Variants in DOCK8 observed in about 807,000 individuals in gnomAD.
The protein encoded by DOCK8 is dedicator of cytokinesis protein 8.
Under a neutral mutation model 245.6 loss-of-function variants are expected in DOCK8, and 141 were observed. That is an observed-to-expected ratio of 0.57 (90% CI 0.50 to 0.66). The LOEUF (loss-of-function observed/expected upper bound fraction) is 0.66. Among genes scored for constraint, DOCK8 ranks in the 30% least tolerant of loss-of-function variants. The pLI, the probability that DOCK8 is intolerant of heterozygous loss-of-function variation, is 0.00. For missense variants in DOCK8, 2,965 were observed against 2,603.4 expected, an observed-to-expected ratio of 1.14 and a Z score of -3.02; for synonymous variants, 1,168 against 970.2, an observed-to-expected ratio of 1.20 and a Z score of -3.79.
intron 33 of DOCK8, 60 bp downstream of exon 33, chr9:422,195 G>A (rs1455561990): frequency 4.4e-5 from 64 of 1,446,222 alleles, no homozygotes; most frequent in Non-Finnish European, 5.8e-5. Context: ...TTTTTCCCAG[G>A]CTGCTTGTAT....
chr9:441,568 C>A, intron 41 of DOCK8, 151 bp downstream of exon 41: 1 of 1,275,276 alleles, frequency 7.8e-7, no homozygotes, highest in Non-Finnish European at 1.1e-6. Context: ...GGCTGAAATT[C>A]TTCTAACAGA....
chr9:457,199 C>T (rs943925735), intron 46 of DOCK8, among the ~76,000 whole-genome samples: 1 of 151,912 alleles, frequency 6.6e-6, no homozygotes, highest in Non-Finnish European at 1.5e-5. Context: ...CTTTCCTAGG[C>T]AGTATATGTG....
intron 4 of DOCK8, among the ~76,000 whole-genome samples, chr9:303,317 A>C (rs2049643463): frequency 6.6e-6 from 1 of 152,252 alleles, no homozygotes; most frequent in Non-Finnish European, 1.5e-5. Context: ...ATTGTTCTAC[A>C]AAAACGACAC....
intron 1 of DOCK8, among the ~76,000 whole-genome samples, chr9:245,398 G>T (rs1022810350): frequency 3.3e-5 from 5 of 151,890 alleles, no homozygotes; most frequent in Non-Finnish European, 7.4e-5. Context: ...TGTACAGATG[G>T]TGTTTCACCA....
chr9:408,850 T>C (rs2055561544), intron 28 of DOCK8, among the ~76,000 whole-genome samples: 2 of 149,848 alleles, frequency 1.3e-5, no homozygotes, highest in African/African-American at 4.9e-5. Flanking sequence ...ATCAGGTAGA[T>C]ACATTCTTCA....
chr9:343,395 G>A (rs2051708425), intron 14 of DOCK8, among the ~76,000 whole-genome samples: 1 of 152,006 alleles, frequency 6.6e-6, no homozygotes, highest in Non-Finnish European at 1.5e-5. Flanking sequence ...TACCCAGAAG[G>A]CTGAGGCAGA....
chr9:306,605 G>T (rs1346365021), intron 5 of DOCK8, among the ~76,000 whole-genome samples: 1 of 152,172 alleles, frequency 6.6e-6, no homozygotes, highest in East Asian at 1.9e-4. Flanking sequence ...GCCTGGGGCT[G>T]GGGTATACGG....
chr9:357,897 T>C (rs2052521732), intron 14 of DOCK8, among the ~76,000 whole-genome samples: 1 of 152,240 alleles, frequency 6.6e-6, no homozygotes, highest in South Asian at 2.1e-4. Flanking sequence ...TCAGGAGTTT[T>C]CCTTCTGTTT....
chr9:440,860 A>G (rs1174177014), intron 40 of DOCK8, among the ~76,000 whole-genome samples: 2 of 152,120 alleles, frequency 1.3e-5, no homozygotes, highest in African/African-American at 2.4e-5. Context: ...CAACCGCCCA[A>G]GTAGCTGAGG....
chr9:397,327 G>A (rs2054510378), intron 25 of DOCK8, among the ~76,000 whole-genome samples: 2 of 149,410 alleles, frequency 1.3e-5, no homozygotes, highest in African/African-American at 4.9e-5. Flanking sequence ...CTCCAGCCTG[G>A]GTGACAGAGT....
rs188639525 is a variant in DOCK8 at position 464,212 on chromosome 9, G to A, written c.6293G>A (p.Gly2098Asp). The change falls in exon 48 of 48, where the codon GGC becomes GAC. Residue 2098 changes from glycine to aspartate, a missense_variant. Gly to Asp is a moderately conservative substitution (Grantham distance 94, BLOSUM62 -1). This residue lies in a region of DOCK8 where 134 missense variants were observed against 128.1 expected (regional missense o/e 1.05). Transcript: ENST00000432829. ...FRKCETQLSQGS is the reference protein window; with the variant it reads ...FRKCETQLSQDS ...AAATGTGAAACCCAGTTGTCACAGG[G>A]CAGCTAAGAAAAGCCATCTTCATTC... 1.9e-6 allele frequency: 3 copies of A among 1,613,804 alleles called. No individual in the cohort carries two copies. Among genetic ancestry groups the A allele is most frequent in the South Asian group, 1.1e-5 (1 of 91,082 alleles).
chr9:419,679 A>G lies in DOCK8; in HGVS notation c.3841-722A>G, dbSNP rs1236340709. ...TTCCACTGGATATTAGCTACGCTGC[A>G]TGAACCAAGGGTGCAGCCTCATTGT... On this transcript the variant is annotated intron_variant, in intron 30 of 47. Transcript: ENST00000432829. 2.0e-5 allele frequency among the ~76,000 whole-genome samples: 3 copies of G among 152,200 alleles called. No homozygotes were observed. In the East Asian group the frequency reaches 5.8e-4, roughly 29 times the overall value.
intron 38 of DOCK8, 81 bp from the exon 39 acceptor site, chr9:434,702 A>C: frequency 6.7e-7 from 1 of 1,500,224 alleles, no homozygotes; most frequent in African/African-American, 1.4e-5. Context: ...GGGAGAAAAA[A>C]AGAAAAGGTC....
intron 1 of DOCK8, among the ~76,000 whole-genome samples, chr9:247,398 G>T (rs144195985): frequency 1.3e-5 from 2 of 152,004 alleles, no homozygotes; most frequent in African/African-American, 4.8e-5. Context: ...AACTGAGAGG[G>T]TATTTTCGAC....
Position 286,530 on chromosome 9 carries a change from G to T in DOCK8, c.226G>T (p.Asp76Tyr). 1 of 1,614,040 alleles carries T rather than the reference G, an allele frequency of 6.2e-7. No individual in the cohort carries two copies. The highest frequency in any genetic ancestry group is 8.5e-7 in the Non-Finnish European group (1 of 1,179,952). Residue 76 changes from aspartate (D) to tyrosine (Y), a missense_variant, in exon 3 of 48, where the codon GAT (aspartate) becomes TAT (tyrosine). Coordinates refer to ENST00000432829, the MANE Select transcript of DOCK8 (RefSeq NM_203447.4). ...GLLMTHLNSL[D>Y]VQLAQELGDF... ...TCTGATGACACACCTGAACAGCCTGGATGTGCAGCTTGCCCAGGAGCTCGG... is the reference window on the plus strand; with the variant it reads ...TCTGATGACACACCTGAACAGCCTGTATGTGCAGCTTGCCCAGGAGCTCGG...
rs575978172 is a variant in DOCK8 at position 385,667 on chromosome 9, C to T, written c.2779-664C>T. On this transcript the variant is annotated intron_variant, in intron 22 of 47. Coordinates refer to ENST00000432829, the MANE Select transcript of DOCK8 (RefSeq NM_203447.4). The stretch of plus-strand genomic sequence containing the variant: ...AAATTGGCAAATGCTACAAATTACC[C>T]CTACCCCCCTGACAACTGGTTGTTA... Among the ~76,000 whole-genome samples the T allele has an allele frequency of 3.9e-5, 6 of 152,244 alleles. No individual in the cohort carries two copies. The South Asian group carries it at 8.3e-4, about 21-fold the overall frequency.
intron 4 of DOCK8, among the ~76,000 whole-genome samples, chr9:290,888 G>T (rs778660782): frequency 3.3e-5 from 5 of 152,162 alleles, no homozygotes; most frequent in Non-Finnish European, 7.3e-5. Flanking sequence ...TTTGTGCTGA[G>T]GTTTTCTGGA....
At chr9:237,719 T>G (rs1037698155) in intron 1 of DOCK8, among the ~76,000 whole-genome samples, 4 of 152,106 alleles carry the variant, frequency 2.6e-5, no homozygotes, top group Non-Finnish European at 5.9e-5. Flanking sequence ...CAAGTGCAAC[T>G]AAAGACTTCC....
rs556355476 is a variant in DOCK8, at chr9:243,251, A to T, written c.53+28222A>T. Among the ~76,000 whole-genome samples the T allele has an allele frequency of 6.6e-5, 10 of 152,266 alleles. No homozygotes were observed. In the East Asian group the frequency reaches 1.7e-3, roughly 26 times the overall value. On this transcript the variant is annotated intron_variant, in intron 1 of 47. Transcript: ENST00000432829. Reference sequence around the variant, plus strand: ...GGAGGTGACCTTTATATGTTTCTTTACGTGTATAACAAATACATTTCAATT... The same window carrying T: ...GGAGGTGACCTTTATATGTTTCTTTTCGTGTATAACAAATACATTTCAATT...
Sources: gnomAD v4.1 joint callset for allele counts (sites outside exome capture counted in the v4.1 genomes callset) on GRCh38, gnomAD v4.1.1 for gene constraint, gnomAD v4.1.1 regional missense constraint, MANE v1.5 for transcripts, NCBI Gene and HGNC (gene_info 2026-07-23, HGNC 2026-07-21) for gene names.